The following SCHIP1 variants were observed in gnomAD, a reference collection of about 807,000 sequenced individuals.
SCHIP1 encodes schwannomin-interacting protein 1.
Under a neutral mutation model 29.7 loss-of-function variants are expected in SCHIP1, and 8 were observed. The observed-to-expected ratio is 0.27, with a 90% CI of 0.16 to 0.49. SCHIP1 has a LOEUF of 0.49. Among genes scored for constraint, SCHIP1 ranks in the 20% least tolerant of loss-of-function variants. The pLI, the probability that SCHIP1 is intolerant of heterozygous loss-of-function variation, is 0.99. For synonymous variants in SCHIP1, 76 were observed against 94.9 expected, an observed-to-expected ratio of 0.80 and a Z score of 1.16; for missense variants, 193 against 294.6, an observed-to-expected ratio of 0.66 and a Z score of 2.52.
chr3:159,739,404 A>G, the SCHIP1 span, among the ~76,000 whole-genome samples: 1 of 152,246 alleles, frequency 6.6e-6, no homozygotes, highest in East Asian at 1.9e-4. Context: ...TTCAGTGTCC[A>G]CAACAGAGAT....
the SCHIP1 span, among the ~76,000 whole-genome samples, chr3:159,761,706 C>T: frequency 6.6e-6 from 1 of 152,274 alleles, no homozygotes; most frequent in African/African-American, 2.4e-5. Context: ...ATTATCTGGT[C>T]GGAAAATAAT....
the SCHIP1 span, among the ~76,000 whole-genome samples, chr3:159,830,895 G>A: frequency 6.6e-6 from 1 of 152,234 alleles, no homozygotes. Context: ...TGGCACAGGA[G>A]TATGGCAGGA....
the SCHIP1 span, among the ~76,000 whole-genome samples, chr3:159,669,180 T>C: frequency 6.6e-6 from 1 of 152,138 alleles, no homozygotes; most frequent in Non-Finnish European, 1.5e-5. Flanking sequence ...TGTGGTGGTG[T>C]TGTAAAGGTC....
chr3:159,506,137 C>T, the SCHIP1 span, among the ~76,000 whole-genome samples: 2 of 152,062 alleles, frequency 1.3e-5, no homozygotes, highest in African/African-American at 2.4e-5. Context: ...ACCTGTTGTT[C>T]CCTGACTTTT....
chr3:159,779,520 AAAGT>A, the SCHIP1 span, among the ~76,000 whole-genome samples: 1 of 149,150 alleles, frequency 6.7e-6, no homozygotes, highest in African/African-American at 2.6e-5. Flanking sequence ...AAAAAAAAAA[AAAGT>A]TAGCTGGTCA....
chr3:159,353,028 G>T, the SCHIP1 span, among the ~76,000 whole-genome samples: 1 of 152,200 alleles, frequency 6.6e-6, no homozygotes, highest in South Asian at 2.1e-4. Context: ...AAGACCACCT[G>T]TTCAACCCTT....
At chr3:159,542,811 G>C in the SCHIP1 span, among the ~76,000 whole-genome samples, 79 of 152,054 alleles carry the variant, frequency 5.2e-4, no homozygotes, top group Non-Finnish European at 1.0e-3. Flanking sequence ...GCCTCCCACT[G>C]AATGATCTGT....
At chr3:159,503,103 T>C in the SCHIP1 span, among the ~76,000 whole-genome samples, 1 of 152,192 alleles carries the variant, frequency 6.6e-6, no homozygotes, top group African/African-American at 2.4e-5. Context: ...CAGGGAGAAA[T>C]GGTAGAGGTA....
At chr3:159,433,397 C>T in the SCHIP1 span, among the ~76,000 whole-genome samples, 2,621 of 152,172 alleles carry the variant, frequency 0.017, 87 homozygotes, top group African/African-American at 0.06. Context: ...AAGGGATGAC[C>T]GCTTAAGAGC....
chr3:159,896,782 C>A, exon 7 of SCHIP1: 2 of 1,603,734 alleles, frequency 1.2e-6, no homozygotes, highest in East Asian at 2.2e-5. Context: ...TGAAAAGAAG[C>A]CATTCAACCA....
chr3:159,484,154 C>T, the SCHIP1 span, among the ~76,000 whole-genome samples: 3 of 152,036 alleles, frequency 2.0e-5, no homozygotes, highest in South Asian at 2.1e-4. Flanking sequence ...TACTGTACTC[C>T]AATTAGTTGA....
the SCHIP1 span, among the ~76,000 whole-genome samples, chr3:159,414,222 A>G: frequency 6.6e-6 from 1 of 152,088 alleles, no homozygotes; most frequent in Non-Finnish European, 1.5e-5. Context: ...CAGGACTGGT[A>G]ACATTTGGAA....
the SCHIP1 span, among the ~76,000 whole-genome samples, chr3:159,806,706 G>A: frequency 6.6e-6 from 1 of 152,246 alleles, no homozygotes; most frequent in Non-Finnish European, 1.5e-5. Context: ...CAGGGCTGCT[G>A]CTCACACTGG....
chr3:159,432,321 TGTGTGTGTGTGTGTGTGTGAGAGAGAGA>T, the SCHIP1 span, among the ~76,000 whole-genome samples: 2 of 103,460 alleles, frequency 1.9e-5, no homozygotes, highest in African/African-American at 3.2e-5. Flanking sequence ...TGTGTGTGTG[TGTGTGTGTGTGTGTGTGTGAGAGAGAGA>T]GAGAGAGAGA....
At chr3:159,520,715 C>T in the SCHIP1 span, among the ~76,000 whole-genome samples, 2 of 152,198 alleles carry the variant, frequency 1.3e-5, no homozygotes, top group Non-Finnish European at 1.5e-5. Context: ...ACTAATTCTC[C>T]ATCCTAATGA....
chr3:159,822,015 A>G, the SCHIP1 span, among the ~76,000 whole-genome samples: 2 of 152,238 alleles, frequency 1.3e-5, no homozygotes, highest in Admixed American at 6.5e-5. Context: ...TCATCACGCT[A>G]TTTAGAATGG....
the SCHIP1 span, among the ~76,000 whole-genome samples, chr3:159,698,898 G>A: frequency 1.5e-4 from 23 of 152,150 alleles, 2 homozygotes; most frequent in South Asian, 4.2e-4. Flanking sequence ...TGCCTGCGTC[G>A]GCCTCCCAAA....
chr3:159,713,261 A>G, the SCHIP1 span, among the ~76,000 whole-genome samples: 26 of 151,438 alleles, frequency 1.7e-4, no homozygotes, highest in South Asian at 6.3e-4. Context: ...AGAAAGAAAG[A>G]AAGAAAGAAA....
the SCHIP1 span, among the ~76,000 whole-genome samples, chr3:159,546,169 T>C: frequency 6.6e-6 from 1 of 152,154 alleles, no homozygotes; most frequent in East Asian, 1.9e-4. Flanking sequence ...ATATTATCTG[T>C]GAATAATCAT....
Sources: allele counts gnomAD v4.1 joint callset (sites outside exome capture counted in the v4.1 genomes callset), GRCh38; gene constraint gnomAD v4.1.1; transcripts MANE v1.5; gene names NCBI Gene and HGNC (gene_info 2026-07-23, HGNC 2026-07-21).